IRAK1BP1: variants seen among roughly 807,000 people sequenced by gnomAD.
IRAK1BP1 encodes interleukin-1 receptor-associated kinase 1-binding protein 1.
In IRAK1BP1, 24 loss-of-function variants were observed where a neutral mutation model predicts 28.0. The ratio of observed to expected loss-of-function variants is 0.86; its 90% CI spans 0.62 to 1.20. The LOEUF (loss-of-function observed/expected upper bound fraction) is 1.20. Among genes scored for constraint, IRAK1BP1 ranks in the 50% most tolerant of loss-of-function variants. The probability of loss-of-function intolerance (pLI) is 0.00; values close to 1 mark genes in which losing one functional copy is unlikely to be tolerated. For synonymous variants in IRAK1BP1, 131 were observed against 116.3 expected (o/e 1.13, Z -0.81); for missense variants, 336 against 316.7 (o/e 1.06, Z -0.46).
Position 78,898,276 on chromosome 6 carries a change from C to T in IRAK1BP1, c.725C>T (p.Ser242Leu). Residue 242 changes from serine to leucine, a missense_variant, in exon 4 of 4, where the codon TCA (serine) becomes TTA (leucine). Coordinates refer to ENST00000369940, the MANE Select transcript of IRAK1BP1 (RefSeq NM_001010844.4). ...KIKSATIHAA[S>L]KVFITFEVKG... The stretch of plus-strand genomic sequence containing the variant: ...AAAAGTGCAACAATACATGCTGCTT[C>T]AAAAGTATTTATAACTTTTGAGGTA... 1 of 1,608,678 alleles carries T rather than the reference C, an allele frequency of 6.2e-7. No homozygotes were observed. The highest frequency in any genetic ancestry group is 8.5e-7 in the Non-Finnish European group (1 of 1,177,248).
intron 4 of IRAK1BP1, chr6:78,938,083 T>C (rs1773339791): frequency 6.6e-6 from 1 of 151,698 alleles, no homozygotes; most frequent in African/African-American, 2.4e-5. Flanking sequence ...AACAAAAATA[T>C]GGTGATGACT....
chr6:78,966,544 C>G, the IRAK1BP1 span, among the ~76,000 whole-genome samples: 2 of 152,104 alleles, frequency 1.3e-5, no homozygotes, highest in African/African-American at 4.8e-5. Context: ...TCTCAATCAC[C>G]CTTAATACTC....
chr6:78,873,619 CA>C (rs1162063404), intron 1 of IRAK1BP1, among the ~76,000 whole-genome samples: 3 of 152,084 alleles, frequency 2.0e-5, no homozygotes, highest in African/African-American at 7.2e-5. Flanking sequence ...GCTAGGACTA[CA>C]GGCACGCACC....
intron 1 of IRAK1BP1, among the ~76,000 whole-genome samples, chr6:78,884,978 G>A (rs1771365570): frequency 6.6e-6 from 1 of 152,042 alleles, no homozygotes; most frequent in Non-Finnish European, 1.5e-5. Context: ...ATGTGCAGGT[G>A]ACACCTACAG....
At chr6:78,894,609 A>C (rs1002005532) in intron 2 of IRAK1BP1, among the ~76,000 whole-genome samples, 8 of 152,208 alleles carry the variant, frequency 5.3e-5, no homozygotes, top group Admixed American at 3.3e-4. Context: ...AAATAAGTCT[A>C]CAACTTTTGT....
intron 1 of IRAK1BP1, among the ~76,000 whole-genome samples, chr6:78,881,412 TGAAA>T (rs903458853): frequency 1.9e-4 from 29 of 152,258 alleles, no homozygotes; most frequent in African/African-American, 6.7e-4. Context: ...ATTTTTAAGG[TGAAA>T]GAACTATTCT....
At chr6:78,926,831 A>T (rs1333351154) in intron 4 of IRAK1BP1, among the ~76,000 whole-genome samples, 2 of 152,142 alleles carry the variant, frequency 1.3e-5, no homozygotes, top group Non-Finnish European at 2.9e-5. Context: ...TATTTCCCTT[A>T]ACATGATGAC....
At chr6:78,870,991 A>G (rs982621265) in intron 1 of IRAK1BP1, among the ~76,000 whole-genome samples, 5 of 152,138 alleles carry the variant, frequency 3.3e-5, no homozygotes, top group African/African-American at 1.2e-4. Flanking sequence ...GGCGTGAGCC[A>G]CTGCGCCTGG....
At chr6:78,963,613 G>C in the IRAK1BP1 span, among the ~76,000 whole-genome samples, 3 of 152,182 alleles carry the variant, frequency 2.0e-5, no homozygotes, top group East Asian at 5.8e-4. Context: ...AGGTAAAACT[G>C]AACTAAAGTG....
chr6:78,960,489 T>C, the IRAK1BP1 span, among the ~76,000 whole-genome samples: 1 of 150,834 alleles, frequency 6.6e-6, no homozygotes, highest in African/African-American at 2.4e-5. Context: ...CAACACCTGA[T>C]ATTGAAAAAG....
chr6:78,978,766 C>T, the IRAK1BP1 span: 6 of 1,357,654 alleles, frequency 4.4e-6, no homozygotes, highest in East Asian at 4.7e-5. Flanking sequence ...CATTAATCCA[C>T]AAATCTACTC....
At chr6:78,970,372 C>T in the IRAK1BP1 span, among the ~76,000 whole-genome samples, 7 of 150,976 alleles carry the variant, frequency 4.6e-5, no homozygotes, top group South Asian at 2.1e-4. Flanking sequence ...ATTTTTAAAA[C>T]GTAAAAAAGG....
At chr6:78,977,488 C>G in the IRAK1BP1 span, among the ~76,000 whole-genome samples, 1 of 152,092 alleles carries the variant, frequency 6.6e-6, no homozygotes, top group African/African-American at 2.4e-5. Flanking sequence ...AACTAACCTG[C>G]ACAATGTACA....
chr6:78,873,254 CAA>C (rs35962544), intron 1 of IRAK1BP1, among the ~76,000 whole-genome samples: 16 of 41,094 alleles, frequency 3.9e-4, no homozygotes, highest in African/African-American at 1.5e-3. Context: ...AACTCTGTCT[CAA>C]AAAAAAAAAA....
the IRAK1BP1 span, among the ~76,000 whole-genome samples, chr6:78,972,288 G>C: frequency 6.6e-6 from 1 of 152,038 alleles, no homozygotes; most frequent in Non-Finnish European, 1.5e-5. Flanking sequence ...CACACTGCAG[G>C]GTACTCCAAC....
intron 2 of IRAK1BP1, among the ~76,000 whole-genome samples, chr6:78,896,447 TGAAA>T (rs1276427982): frequency 6.6e-6 from 1 of 151,780 alleles, no homozygotes; most frequent in African/African-American, 2.4e-5. Flanking sequence ...TTATGCTAAA[TGAAA>T]GAAGTAATCT....
chr6:78,969,929 C>T, the IRAK1BP1 span: 9 of 1,581,642 alleles, frequency 5.7e-6, no homozygotes, highest in Non-Finnish European at 7.8e-6. Context: ...TAATTACAAA[C>T]AGAAACAAAT....
At chr6:78,951,095 C>A (rs1210178640), downstream of IRAK1BP1, among the ~76,000 whole-genome samples, 1 of 151,988 alleles carries the variant, frequency 6.6e-6, no homozygotes, top group African/African-American at 2.4e-5. Flanking sequence ...TTTGTTTGAT[C>A]CATAGATTAT....
At chr6:78,916,812 C>T (rs2127663824) in intron 4 of IRAK1BP1, among the ~76,000 whole-genome samples, 1 of 152,146 alleles carries the variant, frequency 6.6e-6, no homozygotes, top group Middle Eastern at 3.4e-3. Context: ...GACATGGTGG[C>T]ACACACCTGT....
Sources: gnomAD v4.1 joint callset for allele counts (sites outside exome capture counted in the v4.1 genomes callset) on GRCh38, gnomAD v4.1.1 for gene constraint, MANE v1.5 for transcripts, NCBI Gene and HGNC (gene_info 2026-07-23, HGNC 2026-07-21) for gene names.